ACSL4: variants seen among roughly 807,000 people sequenced by gnomAD.
ACSL4 encodes the protein acyl-CoA synthetase long chain family member 4, also known as long-chain-fatty-acid--CoA ligase 4.
Under a neutral mutation model 49.1 loss-of-function variants are expected in ACSL4, and 9 were observed. The ratio of observed to expected loss-of-function variants is 0.18; its 90% CI spans 0.11 to 0.32. The LOEUF is 0.32. Ranked by LOEUF, ACSL4 falls within the 10% of genes least tolerant of loss-of-function variation. ACSL4 has a pLI of 1.00. For missense variants in ACSL4, 333 were observed against 493.7 expected, an observed-to-expected ratio of 0.67 and a Z score of 3.08; for synonymous variants, 191 against 170.3, an observed-to-expected ratio of 1.12 and a Z score of -0.95.
intron 9 of ACSL4, among the ~76,000 whole-genome samples, chrX:109,671,347 A>T (rs1281127379): frequency 2.8e-5 from 3 of 106,158 alleles, no homozygotes; most frequent in Admixed American, 2.0e-4. Flanking sequence ...AGCGTCTCTG[A>T]CCGGCCTCCC....
chrX:109,658,523 G>T (rs900249488), intron 15 of ACSL4, among the ~76,000 whole-genome samples: 7 of 111,790 alleles, frequency 6.3e-5, no homozygotes, highest in Non-Finnish European at 1.9e-5. Flanking sequence ...AGCATAGAAG[G>T]TACTACACAA....
chrX:109,673,023 A>G (rs910594491), intron 9 of ACSL4, among the ~76,000 whole-genome samples: 2 of 111,853 alleles, frequency 1.8e-5, no homozygotes, highest in African/African-American at 3.3e-5. Flanking sequence ...TGCACAGAAC[A>G]TAGCCCCTCA....
At chrX:109,686,807 G>A (rs1924645504) in intron 2 of ACSL4, among the ~76,000 whole-genome samples, 1 of 107,012 alleles carries the variant, frequency 9.3e-6, no homozygotes, top group Non-Finnish European at 1.9e-5. Context: ...CACACACACA[G>A]TAGGCAAGGC....
At chrX:109,685,785 A>G (rs1924563901) in intron 2 of ACSL4, among the ~76,000 whole-genome samples, 1 of 109,259 alleles carries the variant, frequency 9.2e-6, no homozygotes, top group Non-Finnish European at 1.9e-5. Context: ...GCAGGCCTTA[A>G]CCTCTTAGAG....
intron 2 of ACSL4, among the ~76,000 whole-genome samples, chrX:109,691,395 G>A (rs758114993): frequency 4.5e-5 from 5 of 112,116 alleles, no homozygotes; most frequent in African/African-American, 1.6e-4. Context: ...AGATTAAACC[G>A]ATAAGAATAC....
chrX:109,688,125 T>C (rs1309221158), intron 2 of ACSL4, among the ~76,000 whole-genome samples: 1 of 112,051 alleles, frequency 8.9e-6, no homozygotes, highest in Admixed American at 9.4e-5. Context: ...ACCACCAACA[T>C]TCCTCATCCA....
chrX:109,714,612 G>GT lies in ACSL4; in HGVS notation c.-65-18417dup, dbSNP rs544663673. On this transcript the variant is annotated intron_variant, in intron 1 of 15. Coordinates refer to ENST00000672401, the MANE Select transcript of ACSL4 (RefSeq NM_001318510.2). Reference sequence around the variant, plus strand: ...GAACCATTTTATCATCTTTTATACCGTTTTTTTTTACAGTACCTTTTCTAT... The same window carrying GT: ...GAACCATTTTATCATCTTTTATACCGTTTTTTTTTTACAGTACCTTTTCTAT... Among the ~76,000 whole-genome samples, 45 of 108,837 alleles carry GT rather than the reference G, an allele frequency of 4.1e-4. 3 individuals carry two copies. In the South Asian group the frequency reaches 9.0e-3, roughly 22 times the overall value. 94.5% of individuals were successfully genotyped at this position (108,837 alleles called of 115,157 possible). A position where few individuals can be genotyped will look rare whatever the true frequency, so the allele number is the denominator to read the frequency against.
Position 109,681,324 on chromosome X carries a change from T to C in ACSL4, c.458A>G (p.Asn153Ser), listed in dbSNP as rs138646432. The C allele has an allele frequency of 3.9e-5, 47 of 1,209,600 alleles. No individual in the cohort carries two copies. Among genetic ancestry groups the C allele is most frequent in the Admixed American group, 8.7e-5 (4 of 45,824 alleles). Residue 153 changes from asparagine to serine, a missense_variant, in exon 5 of 16, where the codon AAT (asparagine) becomes AGT (serine). Asn to Ser is a conservative substitution (Grantham distance 46). Transcript: ENST00000672401. ...LGKEAVVHGL[N>S]ESEASYLITS... ...AATCAGATAGGAAGCCTCAGATTCA[T>C]TTAGCCCATGAACTACTGCTTCTTT...
Position 109,695,446 on chromosome X carries a change from G to A in ACSL4, c.-13+698C>T, listed in dbSNP as rs180679003. On this transcript the variant is annotated intron_variant, in intron 2 of 15. Transcript: ENST00000672401. The stretch of plus-strand genomic sequence containing the variant: ...ATAATGAACCACTGAGGACGGGCGC[G>A]GTGGCTCACGCCTGTAATCCAGCAC... Among the ~76,000 whole-genome samples, 898 of 110,256 alleles carry A rather than the reference G, an allele frequency of 8.1e-3. 8 individuals carry two copies. Among genetic ancestry groups the A allele is most frequent in the African/African-American group, 0.027 (811 of 30,302 alleles).
chrX:109,681,041 G>A lies in ACSL4; in HGVS notation c.612C>T (p.His204=). The A allele has an allele frequency of 1.7e-6, 2 of 1,210,529 alleles. No individual in the cohort carries two copies. Among genetic ancestry groups the A allele is most frequent in the Non-Finnish European group, 1.1e-6 (1 of 894,729 alleles). ...CCAACTCTTCTACTGATTGCATGCTGTGAATCTCAAATCCTTCAGGGTACT... is the reference window on the plus strand; with the variant it reads ...CCAACTCTTCTACTGATTGCATGCTATGAATCTCAAATCCTTCAGGGTACT... The part of the protein sequence containing the change: ...KAEYPEGFEI[H]SMQSVEELGS... The change falls in exon 6 of 16, where the codon CAC becomes CAT. Residue 204 remains histidine, a synonymous_variant. Transcript: ENST00000672401.
chrX:109,707,887 C>T (rs1481863768), intron 1 of ACSL4, among the ~76,000 whole-genome samples: 1 of 111,751 alleles, frequency 8.9e-6, no homozygotes, highest in Admixed American at 9.5e-5. Context: ...AGATCAACTT[C>T]CTCAAATTTA....
chrX:109,731,569 G>A (rs1199211633), intron 1 of ACSL4, among the ~76,000 whole-genome samples: 1 of 103,542 alleles, frequency 9.7e-6, no homozygotes, highest in East Asian at 2.9e-4. Flanking sequence ...TTTAAATAGG[G>A]GGTTTTCCAA....
chrX:109,714,975 T>C (rs1193076838), intron 1 of ACSL4, among the ~76,000 whole-genome samples: 1 of 112,082 alleles, frequency 8.9e-6, no homozygotes, highest in Non-Finnish European at 1.9e-5. Context: ...AGAGGTGCAG[T>C]GGCTCATGCC....
intron 1 of ACSL4, among the ~76,000 whole-genome samples, chrX:109,715,850 C>CA (rs1927086784): frequency 9.0e-6 from 1 of 111,440 alleles, no homozygotes; most frequent in African/African-American, 3.3e-5. Context: ...GTTATAAAGG[C>CA]AATTATATCA....
chrX:109,723,788 A>G (rs1289430278), intron 1 of ACSL4, among the ~76,000 whole-genome samples: 2 of 112,429 alleles, frequency 1.8e-5, no homozygotes, highest in Admixed American at 1.9e-4. Flanking sequence ...TAAAAATGAG[A>G]TGATTTTGGT....
At chrX:109,717,184 C>T (rs1415458761) in intron 1 of ACSL4, among the ~76,000 whole-genome samples, 4 of 110,968 alleles carry the variant, frequency 3.6e-5, no homozygotes, top group African/African-American at 6.6e-5. Flanking sequence ...TATGTGACCG[C>T]GTCTTACAAG....
At chrX:109,700,207 CAA>C (rs748667601) in intron 1 of ACSL4, among the ~76,000 whole-genome samples, 3 of 16,301 alleles carry the variant, frequency 1.8e-4, no homozygotes, top group African/African-American at 2.4e-4. Context: ...GACTCCGTCT[CAA>C]AAAAAAAAAA....
chrX:109,690,305 G>A (rs1023903326), intron 2 of ACSL4, among the ~76,000 whole-genome samples: 8 of 112,013 alleles, frequency 7.1e-5, no homozygotes, highest in African/African-American at 2.6e-4. Flanking sequence ...ACTTTGAGTG[G>A]TGCTTCCTTG....
At chrX:109,704,107 T>C (rs982992248) in intron 1 of ACSL4, among the ~76,000 whole-genome samples, 6 of 111,121 alleles carry the variant, frequency 5.4e-5, no homozygotes, top group African/African-American at 2.0e-4. Context: ...AGAAGTATGA[T>C]TATTAGGTCA....
Sources: gnomAD v4.1 joint callset for allele counts (sites outside exome capture counted in the v4.1 genomes callset) on GRCh38, gnomAD v4.1.1 for gene constraint, MANE v1.5 for transcripts, NCBI Gene and HGNC (gene_info 2026-07-23, HGNC 2026-07-21) for gene names.